Variants in FOCAD observed in about 807,000 individuals in gnomAD.
The protein encoded by FOCAD is KIAA1797.
In FOCAD, 198 loss-of-function variants were observed where a neutral mutation model predicts 225.6. That is an observed-to-expected ratio of 0.88 (90% confidence interval 0.78 to 0.99). FOCAD has a LOEUF of 0.99. FOCAD is among the 50% of genes least tolerant of loss of function. The pLI is 0.00. For missense variants in FOCAD, 2,713 were observed against 2,123.6 expected, an observed-to-expected ratio of 1.28 and a Z score of -5.46; for synonymous variants, 897 against 755.0, an observed-to-expected ratio of 1.19 and a Z score of -3.08.
At chr9:20,847,602 G>C (rs1806416443) in intron 15 of FOCAD, among the ~76,000 whole-genome samples, 1 of 151,852 alleles carries the variant, frequency 6.6e-6, no homozygotes, top group Non-Finnish European at 1.5e-5. Flanking sequence ...TTATGCTTTG[G>C]GGAAGGAGGG....
intron 11 of FOCAD, among the ~76,000 whole-genome samples, chr9:20,797,492 T>A (rs1385540076): frequency 6.6e-6 from 1 of 152,162 alleles, no homozygotes; most frequent in Non-Finnish European, 1.5e-5. Flanking sequence ...TTTTATTTCC[T>A]TGAGCAGTGG....
chr9:20,858,273 A>G (rs563203681), intron 15 of FOCAD, among the ~76,000 whole-genome samples: 8 of 152,130 alleles, frequency 5.3e-5, no homozygotes, highest in Admixed American at 4.6e-4. Context: ...ACTACTTTTT[A>G]TTGGCCGATT....
intron 35 of FOCAD, among the ~76,000 whole-genome samples, chr9:20,969,419 A>G (rs922944679): frequency 6.6e-6 from 1 of 152,032 alleles, no homozygotes; most frequent in Non-Finnish European, 1.5e-5. Context: ...TCTCCTTTCA[A>G]TTCTGTCAGT....
chr9:20,917,016 G>T, intron 24 of FOCAD, 79 bp downstream of exon 24: 6 of 1,115,968 alleles, frequency 5.4e-6, no homozygotes, highest in Admixed American at 2.8e-5. Context: ...TCTCCTTTTA[G>T]GGCATTTCAT....
At chr9:20,738,249 C>A (rs940810388) in intron 4 of FOCAD, among the ~76,000 whole-genome samples, 3 of 152,084 alleles carry the variant, frequency 2.0e-5, no homozygotes, top group African/African-American at 7.2e-5. Flanking sequence ...CCTTGGTTAC[C>A]CAAGGAGGTC....
intron 15 of FOCAD, among the ~76,000 whole-genome samples, chr9:20,844,464 G>A (rs1056971752): frequency 4.9e-5 from 7 of 142,384 alleles, no homozygotes; most frequent in South Asian, 4.7e-4. Flanking sequence ...AAGTTTAAGC[G>A]ATTCTCCTGC....
chr9:20,990,064 A>G (rs1203731503), intron 41 of FOCAD, 59 bp from the exon 42 acceptor site: 6 of 1,599,144 alleles, frequency 3.8e-6, no homozygotes, highest in Non-Finnish European at 5.1e-6. Context: ...GTATGTGAAC[A>G]TGTGTTACTT....
In FOCAD at chr9:20,719,015, G is replaced by A. The variant is rs1437510899; in HGVS notation, c.132+1147G>A. 2.6e-5 allele frequency among the ~76,000 whole-genome samples: 4 copies of A among 152,070 alleles called. No homozygotes were observed. The East Asian group carries it at 7.7e-4, about 29-fold the overall frequency. ...TAACTGTATTGTTATTTTAATAGTG[G>A]GATGCTAAGATAGAAAAGATTCTTA... On this transcript the variant is annotated intron_variant, in intron 3 of 43. Coordinates refer to ENST00000338382, the MANE Select transcript of FOCAD (RefSeq NM_001375567.1).
At chr9:20,878,380 T>A (rs933096245) in intron 19 of FOCAD, among the ~76,000 whole-genome samples, 10 of 152,144 alleles carry the variant, frequency 6.6e-5, no homozygotes. Flanking sequence ...GTCTAGAAAT[T>A]TGGTGAGTAT....
chr9:20,769,010 C>G (rs183318021), intron 7 of FOCAD, among the ~76,000 whole-genome samples: 4 of 151,994 alleles, frequency 2.6e-5, no homozygotes, highest in Non-Finnish European at 5.9e-5. Context: ...CATAAATGCA[C>G]TCAAGGAAAT....
At chr9:20,770,270 C>T (rs761186476) in intron 8 of FOCAD, 32 bp downstream of exon 8, 13 of 1,553,724 alleles carry the variant, frequency 8.4e-6, no homozygotes, top group Non-Finnish European at 1.2e-5. Context: ...ACTGTTCATG[C>T]ATTGCTATTA....
Position 20,990,181 on chromosome 9 carries a change from C to G in FOCAD, c.5063C>G (p.Thr1688Ser), listed in dbSNP as rs190174954. ...GCAGTGGTTGCATGGGCTGACCACA[C>G]TGCCCCTCTCCTCCTCGGCCTCAGT... ...ATAVVAWADH[T>S]APLLLGLSAS... Residue 1688 changes from threonine to serine, a missense_variant, in exon 42 of 44, where the codon ACT becomes AGT. Physicochemically the swap from Thr to Ser is moderately conservative, Grantham distance 58. Coordinates refer to ENST00000338382, the MANE Select transcript of FOCAD (RefSeq NM_001375567.1). 6.8e-6 allele frequency: 11 copies of G among 1,614,214 alleles called. No individual in the cohort carries two copies. In the East Asian group the frequency reaches 2.2e-4, roughly 33 times the overall value.
intron 11 of FOCAD, among the ~76,000 whole-genome samples, chr9:20,795,224 G>C (rs1413720494): frequency 6.6e-6 from 1 of 152,104 alleles, no homozygotes; most frequent in Non-Finnish European, 1.5e-5. Context: ...TACCTTATTA[G>C]TAACAATCAG....
chr9:20,827,240 T>A (rs1390254572), intron 15 of FOCAD, among the ~76,000 whole-genome samples: 1 of 152,042 alleles, frequency 6.6e-6, no homozygotes, highest in African/African-American at 2.4e-5. Context: ...CAACCATGAG[T>A]CTACTTTCTG....
At chr9:20,858,063 A>G (rs10757151) in intron 15 of FOCAD, among the ~76,000 whole-genome samples, 131,424 of 151,868 alleles carry the variant, frequency 0.87, 57,047 homozygotes, top group African/African-American at 0.92. Flanking sequence ...TTTTTTTGTT[A>G]TATCTTTGTC....
chr9:20,715,474 G>T (rs922743978), intron 2 of FOCAD, 64 bp downstream of exon 2: 1 of 829,328 alleles, frequency 1.2e-6, no homozygotes. Context: ...ATTTTTAACT[G>T]AACTTTATAT....
chr9:20,707,529 C>T (rs999876081), intron 1 of FOCAD, among the ~76,000 whole-genome samples: 7 of 152,010 alleles, frequency 4.6e-5, no homozygotes, highest in Non-Finnish European at 8.8e-5. Context: ...ACAGTTGATT[C>T]GTACACATTT....
At position 20,918,146 on chromosome 9, in the gene FOCAD, G is replaced by A. The variant is rs559932576; in HGVS notation, c.2852+1209G>A. On this transcript the variant is annotated intron_variant, in intron 24 of 43. Coordinates refer to ENST00000338382, the MANE Select transcript of FOCAD (RefSeq NM_001375567.1). ...TGCAGGCTGTCTTTGACCTTTACCT[G>A]TAATAGTTTGTTCTCTTATGTAGTC... Among the ~76,000 whole-genome samples the A allele has an allele frequency of 2.8e-4, 42 of 152,310 alleles. No individual in the cohort carries two copies. In the South Asian group the frequency reaches 8.5e-3, roughly 31 times the overall value.
upstream of FOCAD, among the ~76,000 whole-genome samples, chr9:20,679,324 TGACA>T (rs1822330693): frequency 6.6e-6 from 1 of 152,144 alleles, no homozygotes; most frequent in Non-Finnish European, 1.5e-5. Context: ...TGTGATGTGC[TGACA>T]CTGGAGCTCT....
Sources: allele counts gnomAD v4.1 joint callset (sites outside exome capture counted in the v4.1 genomes callset), GRCh38; gene constraint gnomAD v4.1.1; transcripts MANE v1.5; gene names NCBI Gene and HGNC (gene_info 2026-07-23, HGNC 2026-07-21).